The following BLTP1 variants were observed in gnomAD, a reference collection of about 807,000 sequenced individuals.
The protein encoded by BLTP1 is fragile site-associated protein.
At chr4:122,281,671 T>A in the BLTP1 span, 1 of 1,613,426 alleles carries the variant, frequency 6.2e-7, no homozygotes, top group Non-Finnish European at 8.5e-7. Flanking sequence ...CTATTGTTCT[T>A]AAATTCAGTG....
At chr4:122,215,532 A>G in the BLTP1 span, 16 of 985,254 alleles carry the variant, frequency 1.6e-5, no homozygotes, top group Admixed American at 3.1e-4. Flanking sequence ...CCATTTACAG[A>G]TGGAAGTATC....
the BLTP1 span, among the ~76,000 whole-genome samples, chr4:122,165,831 G>T: frequency 2.0e-5 from 3 of 148,236 alleles, no homozygotes. Context: ...CAGTGATGAT[G>T]AGCATTTTTT....
the BLTP1 span, chr4:122,336,951 A>G: frequency 6.2e-7 from 1 of 1,612,350 alleles, no homozygotes; most frequent in East Asian, 2.2e-5. Context: ...CAACAACATC[A>G]CTAGTGTCGT....
chr4:122,290,377 C>T, the BLTP1 span, among the ~76,000 whole-genome samples: 4 of 151,934 alleles, frequency 2.6e-5, no homozygotes, highest in African/African-American at 9.7e-5. Flanking sequence ...TTGGTGTGTC[C>T]CATTTACCTG....
chr4:122,223,095 G>A, the BLTP1 span: 10 of 886,784 alleles, frequency 1.1e-5, no homozygotes, highest in Non-Finnish European at 1.4e-5. Context: ...TTAATGCCTG[G>A]AGAAGTCAGG....
At chr4:122,337,226 T>G in the BLTP1 span, 2 of 541,270 alleles carry the variant, frequency 3.7e-6, no homozygotes, top group African/African-American at 3.9e-5. Context: ...CAAGTTATGA[T>G]GCTGTTCTGA....
the BLTP1 span, chr4:122,264,179 C>A: frequency 1.4e-6 from 2 of 1,428,368 alleles, no homozygotes; most frequent in Non-Finnish European, 1.8e-6. Context: ...CAAAAGTTTA[C>A]CCTGCTGTAC....
At chr4:122,218,165 C>A in the BLTP1 span, among the ~76,000 whole-genome samples, 1 of 151,866 alleles carries the variant, frequency 6.6e-6, no homozygotes, top group Non-Finnish European at 1.5e-5. Context: ...AAAGAACCAG[C>A]CTTTTGTTTT....
At chr4:122,215,839 C>A in the BLTP1 span, among the ~76,000 whole-genome samples, 2 of 151,708 alleles carry the variant, frequency 1.3e-5, no homozygotes, top group African/African-American at 4.9e-5. Context: ...CCCTCACCCC[C>A]CCCATCCTTC....
At chr4:122,280,056 G>A in the BLTP1 span, 1 of 1,600,438 alleles carries the variant, frequency 6.2e-7, no homozygotes, top group Non-Finnish European at 8.5e-7. Flanking sequence ...ATTAACAAAA[G>A]TTTGGAGGGA....
chr4:122,230,699 A>T, the BLTP1 span, among the ~76,000 whole-genome samples: 1 of 152,296 alleles, frequency 6.6e-6, no homozygotes, highest in South Asian at 2.1e-4. Flanking sequence ...TATATGATTT[A>T]AAAAGTTGCC....
chr4:122,346,754 T>A, the BLTP1 span: 21 of 1,609,266 alleles, frequency 1.3e-5, no homozygotes, highest in Non-Finnish European at 1.8e-5. Context: ...AACTATAAAT[T>A]TGCCAAGTAA....
the BLTP1 span, chr4:122,227,289 C>G: frequency 1.0e-6 from 1 of 987,274 alleles, no homozygotes; most frequent in East Asian, 1.1e-4. Flanking sequence ...ATGTTATGCT[C>G]TTTTCACAAC....
chr4:122,235,975 A>G, the BLTP1 span, among the ~76,000 whole-genome samples: 2 of 152,186 alleles, frequency 1.3e-5, no homozygotes. Flanking sequence ...CTGTGTTCCT[A>G]TGATTCAGTG....
At chr4:122,258,909 A>C in the BLTP1 span, 5 of 965,112 alleles carry the variant, frequency 5.2e-6, no homozygotes, top group Non-Finnish European at 7.6e-6. Context: ...ATTTTATCTC[A>C]AATTTAAATG....
At chr4:122,214,257 G>A in the BLTP1 span, 1 of 946,350 alleles carries the variant, frequency 1.1e-6, no homozygotes, top group Non-Finnish European at 1.3e-6. Flanking sequence ...TAGGTGACAA[G>A]ACACTCATAT....
At chr4:122,216,475 T>G in the BLTP1 span, among the ~76,000 whole-genome samples, 2 of 152,162 alleles carry the variant, frequency 1.3e-5, no homozygotes, top group African/African-American at 4.8e-5. Flanking sequence ...AGTAAGGTGG[T>G]ATCATGTTGC....
the BLTP1 span, chr4:122,257,406 A>G: frequency 6.2e-7 from 1 of 1,614,076 alleles, no homozygotes; most frequent in Non-Finnish European, 8.5e-7. Context: ...GCTATGGACC[A>G]TGAACATGAA....
At chr4:122,230,279 G>A in the BLTP1 span, 2 of 1,296,324 alleles carry the variant, frequency 1.5e-6, no homozygotes, top group East Asian at 4.6e-5. Context: ...AATTGTAGAG[G>A]AAATTCTACT....
Sources: gnomAD v4.1 joint callset for allele counts (sites outside exome capture counted in the v4.1 genomes callset) on GRCh38, gnomAD v4.1.1 for gene constraint, MANE v1.5 for transcripts, NCBI Gene and HGNC (gene_info 2026-07-23, HGNC 2026-07-21) for gene names.